The following EHMT1 variants were observed in gnomAD, a reference collection of about 807,000 sequenced individuals.
EHMT1 encodes the protein histone-lysine N-methyltransferase EHMT1.
Under a neutral mutation model 147.2 loss-of-function variants are expected in EHMT1, and 15 were observed. The observed-to-expected ratio is 0.10, with a 90% CI of 0.07 to 0.16. EHMT1 has a LOEUF of 0.16. EHMT1 is among the 10% of genes least tolerant of loss of function. EHMT1 has a pLI of 1.00. For missense variants in EHMT1, 1,587 were observed against 1,772.4 expected (o/e 0.90, Z 1.88); for synonymous variants, 795 against 709.6 (o/e 1.12, Z -1.91).
chr9:137,773,364 C>T (rs1015214576), intron 10 of EHMT1, among the ~76,000 whole-genome samples: 13 of 151,668 alleles, frequency 8.6e-5, no homozygotes, highest in East Asian at 3.9e-4. Context: ...CCTGGTTCTA[C>T]GCCTTTCAGG....
intron 1 of EHMT1, among the ~76,000 whole-genome samples, chr9:137,656,252 C>T (rs1044080410): frequency 2.6e-5 from 4 of 152,060 alleles, no homozygotes; most frequent in Non-Finnish European, 4.4e-5. Context: ...TGGCAGCGTG[C>T]GCGTGTAATC....
chr9:137,693,928 T>A (rs375854497), intron 1 of EHMT1, among the ~76,000 whole-genome samples: 1 of 1,044 alleles, frequency 9.6e-4, no homozygotes, highest in African/African-American at 5.7e-3. Flanking sequence ...ACACAGTGGC[T>A]CAGGACGCTG....
intron 16 of EHMT1, among the ~76,000 whole-genome samples, chr9:137,795,883 GA>G (rs1011156019): frequency 2.0e-5 from 3 of 150,622 alleles, no homozygotes; most frequent in Non-Finnish European, 4.4e-5. Context: ...AGCTTTTCAG[GA>G]AAAAAAAACT....
At chr9:137,653,720 G>T (rs954214618) in intron 1 of EHMT1, among the ~76,000 whole-genome samples, 19 of 152,050 alleles carry the variant, frequency 1.2e-4, no homozygotes, top group African/African-American at 4.3e-4. Flanking sequence ...TAGAGATGGG[G>T]TTACTCCATG....
intron 25 of EHMT1, among the ~76,000 whole-genome samples, chr9:137,826,142 A>G (rs919843266): frequency 9.9e-4 from 10 of 10,098 alleles, no homozygotes; most frequent in African/African-American, 4.6e-3. Context: ...GTCTGGGTCC[A>G]TAGGGGGTGG....
At chr9:137,691,164 C>T (rs916836713) in intron 1 of EHMT1, among the ~76,000 whole-genome samples, 1 of 152,132 alleles carries the variant, frequency 6.6e-6, no homozygotes, top group East Asian at 1.9e-4. Flanking sequence ...CTTGGACTAT[C>T]TAGGGACCTT....
intron 4 of EHMT1, among the ~76,000 whole-genome samples, chr9:137,739,956 G>A (rs562892192): frequency 1.4e-3 from 206 of 152,282 alleles, no homozygotes; most frequent in African/African-American, 4.7e-3. Context: ...ATAGAGCTGG[G>A]CCCTGCTCTA....
chr9:137,667,692 G>A (rs1357158172), intron 1 of EHMT1, among the ~76,000 whole-genome samples: 1 of 152,062 alleles, frequency 6.6e-6, no homozygotes, highest in Non-Finnish European at 1.5e-5. Flanking sequence ...ATAACCAAGA[G>A]GAAAAGTTCA....
In EHMT1 at chr9:137,799,059, C is replaced by T. The variant is rs990018308; in HGVS notation, c.2607+145C>T. ...GCTCGGGCCCTCCAGCGTCCTCTTC[C>T]ACACTTAGGGCCAGCTCGGACCCTC... On this transcript the variant is annotated intron_variant, in intron 17 of 26. Coordinates refer to ENST00000460843, the MANE Select transcript of EHMT1 (RefSeq NM_024757.5). 28 of 731,618 alleles carry T rather than the reference C, an allele frequency of 3.8e-5. No individual in the cohort carries two copies. The African/African-American group carries it at 4.0e-4, about 10-fold the overall frequency. The allele number at this position is 731,618 out of a possible 1,614,324, so 45.3% of individuals were successfully genotyped here.
At chr9:137,814,067 C>T (rs1564812194) in intron 21 of EHMT1, among the ~76,000 whole-genome samples, 2 of 97,252 alleles carry the variant, frequency 2.1e-5, no homozygotes, top group African/African-American at 5.4e-5. Context: ...CCCCCCCCCC[C>T]CCCCGCCCCC....
intron 25 of EHMT1, among the ~76,000 whole-genome samples, chr9:137,833,522 C>T (rs1184777279): frequency 6.6e-6 from 1 of 152,242 alleles, no homozygotes; most frequent in African/African-American, 2.4e-5. Flanking sequence ...CACGCAGCTC[C>T]TCCATCCAGG....
At chr9:137,694,509 C>T (rs1943234866) in intron 1 of EHMT1, among the ~76,000 whole-genome samples, 1 of 152,196 alleles carries the variant, frequency 6.6e-6, no homozygotes, top group Non-Finnish European at 1.5e-5. Context: ...GAGGCAGTCT[C>T]GTTGGTCGGC....
intron 2 of EHMT1, chr9:137,715,673 C>T: frequency 2.0e-6 from 2 of 985,396 alleles, no homozygotes; most frequent in Non-Finnish European, 2.4e-6. Context: ...ATAGTGTCTC[C>T]TTGACTGCCC....
intron 1 of EHMT1, among the ~76,000 whole-genome samples, chr9:137,665,333 G>A (rs994860252): frequency 5.3e-5 from 8 of 152,142 alleles, no homozygotes; most frequent in Non-Finnish European, 8.8e-5. Flanking sequence ...GGCATAGGAG[G>A]TGATGTTTAG....
At chr9:137,817,834 C>G in intron 24 of EHMT1, 1 of 627,466 alleles carries the variant, frequency 1.6e-6, no homozygotes. Flanking sequence ...TCTGGGTTCT[C>G]AGGTACCAGA....
At chr9:137,706,389 ATTTTG>A (rs1944276118) in intron 1 of EHMT1, among the ~76,000 whole-genome samples, 1 of 152,224 alleles carries the variant, frequency 6.6e-6, no homozygotes, top group African/African-American at 2.4e-5. Flanking sequence ...TAACTAATTC[ATTTTG>A]TTTTGCTTAG....
At chr9:137,679,364 C>G (rs1402895331) in intron 1 of EHMT1, among the ~76,000 whole-genome samples, 4 of 152,130 alleles carry the variant, frequency 2.6e-5, no homozygotes, top group Non-Finnish European at 5.9e-5. Flanking sequence ...TGCGATTGAT[C>G]TTCAGGTTCA....
intron 4 of EHMT1, among the ~76,000 whole-genome samples, chr9:137,733,214 G>A (rs139209346): frequency 9.2e-5 from 14 of 152,342 alleles, no homozygotes; most frequent in African/African-American, 1.7e-4. Context: ...GGGGATGGCC[G>A]TGCTGAATCA....
chr9:137,821,700 T>C (rs1955435095), intron 25 of EHMT1, among the ~76,000 whole-genome samples: 1 of 152,210 alleles, frequency 6.6e-6, no homozygotes, highest in African/African-American at 2.4e-5. Flanking sequence ...TAACAAGTTC[T>C]ACAGAAGCTC....
Sources: gnomAD v4.1 joint callset for allele counts (sites outside exome capture counted in the v4.1 genomes callset) on GRCh38, gnomAD v4.1.1 for gene constraint, MANE v1.5 for transcripts, NCBI Gene and HGNC (gene_info 2026-07-23, HGNC 2026-07-21) for gene names.